The following IMMP2L variants were observed in gnomAD, a reference collection of about 807,000 sequenced individuals.
IMMP2L encodes inner mitochondrial membrane peptidase subunit 2.
IMMP2L carries 18 observed loss-of-function variants against 19.3 expected under a neutral mutation model. The observed-to-expected ratio is 0.93, with a 90% confidence interval of 0.64 to 1.38. The LOEUF (loss-of-function observed/expected upper bound fraction) is 1.38. IMMP2L is among the 40% of genes most tolerant of loss of function. The pLI is 0.00. For missense variants in IMMP2L, 233 were observed against 218.2 expected, an observed-to-expected ratio of 1.07 and a Z score of -0.43; for synonymous variants, 76 against 73.0, an observed-to-expected ratio of 1.04 and a Z score of -0.21.
intron 3 of IMMP2L, among the ~76,000 whole-genome samples, chr7:111,296,825 T>C (rs184132335): frequency 5.3e-4 from 81 of 152,166 alleles, no homozygotes; most frequent in Admixed American, 3.5e-3. Context: ...AACTGTGTTA[T>C]AGCCATACTA....
intron 4 of IMMP2L, among the ~76,000 whole-genome samples, chr7:110,945,309 G>A (rs1475615260): frequency 1.3e-5 from 2 of 152,006 alleles, no homozygotes; most frequent in African/African-American, 4.8e-5. Context: ...GAAGTGTGAA[G>A]AATGGATTGG....
At chr7:110,866,869 A>ACG (rs1237456168) in intron 5 of IMMP2L, among the ~76,000 whole-genome samples, 20 of 152,216 alleles carry the variant, frequency 1.3e-4, no homozygotes, top group African/African-American at 4.8e-4. Flanking sequence ...TGTATTTTAC[A>ACG]AAATGTTCAA....
intron 3 of IMMP2L, among the ~76,000 whole-genome samples, chr7:111,270,982 G>A (rs920569717): frequency 1.3e-5 from 2 of 152,034 alleles, no homozygotes; most frequent in African/African-American, 4.8e-5. Context: ...TACTGATATG[G>A]TTTGGCTGTG....
At chr7:111,203,600 A>T (rs1810390317) in intron 3 of IMMP2L, among the ~76,000 whole-genome samples, 1 of 150,070 alleles carries the variant, frequency 6.7e-6, no homozygotes, top group Non-Finnish European at 1.5e-5. Context: ...TTAAAACTGA[A>T]GGACCAAAGA....
chr7:111,270,625 C>G (rs1464326777), intron 3 of IMMP2L, among the ~76,000 whole-genome samples: 1 of 152,030 alleles, frequency 6.6e-6, no homozygotes, highest in Non-Finnish European at 1.5e-5. Flanking sequence ...AAAGGCTTAC[C>G]AAATAGCATC....
chr7:111,320,531 C>T (rs1371374080), intron 3 of IMMP2L, among the ~76,000 whole-genome samples: 1 of 152,054 alleles, frequency 6.6e-6, no homozygotes, highest in Non-Finnish European at 1.5e-5. Context: ...CAACCCACTA[C>T]CCTCAGATCA....
intron 3 of IMMP2L, among the ~76,000 whole-genome samples, chr7:111,141,875 T>C (rs1802935781): frequency 6.6e-6 from 1 of 152,140 alleles, no homozygotes; most frequent in East Asian, 1.9e-4. Flanking sequence ...TAATTTTTAA[T>C]TTTGTTTTTG....
chr7:111,223,295 GA>G (rs1166401383), intron 3 of IMMP2L, among the ~76,000 whole-genome samples: 2 of 151,780 alleles, frequency 1.3e-5, no homozygotes, highest in African/African-American at 4.8e-5. Flanking sequence ...GGCAGAGCTA[GA>G]AAAATGTTAA....
chr7:110,672,693 C>A (rs1792004980), intron 5 of IMMP2L, among the ~76,000 whole-genome samples: 1 of 152,178 alleles, frequency 6.6e-6, no homozygotes, highest in Non-Finnish European at 1.5e-5. Flanking sequence ...GGACTACAGG[C>A]CCCATGCAAG....
At chr7:111,263,838 T>C (rs1016156639) in intron 3 of IMMP2L, among the ~76,000 whole-genome samples, 3 of 152,116 alleles carry the variant, frequency 2.0e-5, no homozygotes, top group African/African-American at 7.2e-5. Flanking sequence ...AAGAAAGCAT[T>C]TCAAGGAAGA....
intron 3 of IMMP2L, among the ~76,000 whole-genome samples, chr7:111,258,225 G>A (rs1316002682): frequency 1.3e-5 from 2 of 152,088 alleles, no homozygotes; most frequent in Non-Finnish European, 2.9e-5. Flanking sequence ...CAATGATGAA[G>A]ATATTTGGAG....
intron 3 of IMMP2L, chr7:111,391,787 G>A (rs59128145): frequency 1.5e-6 from 1 of 673,638 alleles, no homozygotes; most frequent in African/African-American, 1.8e-5. Context: ...AAGAGTATGA[G>A]TTCAAGGAAA....
At chr7:111,481,419 G>C (rs560812610) in intron 3 of IMMP2L, among the ~76,000 whole-genome samples, 25 of 152,162 alleles carry the variant, frequency 1.6e-4, no homozygotes, top group African/African-American at 6.0e-4. Flanking sequence ...TATTTACTAT[G>C]TCCTTAAGCA....
chr7:111,551,888 A>G (rs1364243490), intron 1 of IMMP2L, among the ~76,000 whole-genome samples: 1 of 152,132 alleles, frequency 6.6e-6, no homozygotes, highest in African/African-American at 2.4e-5. Context: ...TTTTCCAGTA[A>G]AAAATATGGT....
In IMMP2L at chr7:111,434,455, GA is replaced by G. The variant is rs111684183; in HGVS notation, c.239+52782del. Among the ~76,000 whole-genome samples, 1,178 of 140,230 alleles carry G rather than the reference GA, an allele frequency of 8.4e-3. 32 individuals carry two copies. Among genetic ancestry groups the G allele is most frequent in the African/African-American group, 0.023 (894 of 38,512 alleles). 92.0% of individuals were successfully genotyped at this position (140,230 alleles called of 152,430 possible). A position where few individuals can be genotyped will look rare whatever the true frequency, so the allele number is the denominator to read the frequency against. ...ACAAACTACAGAATGTTTTCCACAA[GA>G]AAAAAAAAAAATAACCCCATTAAAA... On this transcript the variant is annotated intron_variant, in intron 3 of 5. Transcript: ENST00000405709.
intron 5 of IMMP2L, among the ~76,000 whole-genome samples, chr7:110,745,646 A>G (rs1797285410): frequency 6.6e-6 from 1 of 152,234 alleles, no homozygotes; most frequent in Non-Finnish European, 1.5e-5. Flanking sequence ...ATATCCAGCC[A>G]AACTAAGCTT....
chr7:110,954,884 G>A (rs979255975), intron 4 of IMMP2L, among the ~76,000 whole-genome samples: 2 of 152,020 alleles, frequency 1.3e-5, no homozygotes, highest in African/African-American at 2.4e-5. Flanking sequence ...ACAAAAATAG[G>A]TGTCACCATT....
intron 3 of IMMP2L, among the ~76,000 whole-genome samples, chr7:110,981,600 T>A (rs757643392): frequency 5.9e-5 from 9 of 152,064 alleles, no homozygotes; most frequent in Non-Finnish European, 1.2e-4. Context: ...ATAAGTAGTG[T>A]TTGAGAGTTG....
chr7:110,928,122 C>A (rs946664036), intron 4 of IMMP2L, among the ~76,000 whole-genome samples: 1 of 151,926 alleles, frequency 6.6e-6, no homozygotes, highest in African/African-American at 2.4e-5. Context: ...AAAAGAGTTT[C>A]TTCTCTTGCC....
Sources: gnomAD v4.1 joint callset for allele counts (sites outside exome capture counted in the v4.1 genomes callset) on GRCh38, gnomAD v4.1.1 for gene constraint, MANE v1.5 for transcripts, NCBI Gene and HGNC (gene_info 2026-07-23, HGNC 2026-07-21) for gene names.